Variants in XXYLT1 observed in about 807,000 individuals in gnomAD.
XXYLT1 encodes the protein UDP-xylose:alpha-xyloside alpha-1,3-xylosyltransferase.
A neutral mutation model predicts 28.9 loss-of-function variants in XXYLT1; 20 were observed. The observed-to-expected ratio is 0.69, with a 90% CI of 0.49 to 1.00. The LOEUF (loss-of-function observed/expected upper bound fraction) is 1.00, where lower values mean the gene tolerates loss of function less well. Among genes scored for constraint, XXYLT1 ranks in the 50% least tolerant of loss-of-function variants. The pLI, the probability that XXYLT1 is intolerant of heterozygous loss-of-function variation, is 0.00. For synonymous variants in XXYLT1, 257 were observed against 253.8 expected, an observed-to-expected ratio of 1.01 and a Z score of -0.12; for missense variants, 542 against 560.1, an observed-to-expected ratio of 0.97 and a Z score of 0.33.
intron 1 of XXYLT1, 127 bp from the exon 2 acceptor site, chr3:195,226,983 G>C (rs1003862810): frequency 5.1e-5 from 60 of 1,168,466 alleles, no homozygotes; most frequent in Non-Finnish European, 6.7e-5. Flanking sequence ...ACAAGCAGGG[G>C]ATGGGGCTAG....
chr3:195,116,431 A>C (rs1718046789), intron 3 of XXYLT1, among the ~76,000 whole-genome samples: 1 of 152,192 alleles, frequency 6.6e-6, no homozygotes, highest in South Asian at 2.1e-4. Flanking sequence ...CTGGTCCATG[A>C]ACTACACTTT....
chr3:195,142,758 G>A lies in XXYLT1; in HGVS notation c.785+13691C>T, dbSNP rs117804356. Among the ~76,000 whole-genome samples, 19 of 152,338 alleles carry A rather than the reference G, an allele frequency of 1.2e-4. No homozygotes were observed. In the East Asian group the frequency reaches 3.1e-3, roughly 25 times the overall value. ...GCTGGGGTCTTCATGCGGCCAGCCCGCCCAGGCTTGCTTGGGAGGCAGCGC... is the reference window on the plus strand; with the variant it reads ...GCTGGGGTCTTCATGCGGCCAGCCCACCCAGGCTTGCTTGGGAGGCAGCGC... On this transcript the variant is annotated intron_variant, in intron 3 of 3. Transcript: ENST00000310380.
intron 2 of XXYLT1, among the ~76,000 whole-genome samples, chr3:195,223,766 C>G (rs1346229068): frequency 6.6e-6 from 1 of 152,200 alleles, no homozygotes; most frequent in Admixed American, 6.5e-5. Context: ...CCAGACGCCA[C>G]AGGAAACTCA....
At chr3:195,236,693 T>C (rs75092815) in intron 1 of XXYLT1, among the ~76,000 whole-genome samples, 4,692 of 152,058 alleles carry the variant, frequency 0.031, 142 homozygotes, top group East Asian at 0.1. Context: ...CAGCTGTGAA[T>C]GTGCTGGATC....
intron 1 of XXYLT1, among the ~76,000 whole-genome samples, chr3:195,228,893 A>T (rs1724181211): frequency 6.7e-6 from 1 of 149,698 alleles, no homozygotes; most frequent in South Asian, 2.1e-4. Flanking sequence ...GCTCACTGTA[A>T]CCTCTGCTTC....
intron 1 of XXYLT1, among the ~76,000 whole-genome samples, chr3:195,245,480 C>G (rs1181350345): frequency 6.6e-6 from 1 of 152,054 alleles, no homozygotes; most frequent in Non-Finnish European, 1.5e-5. Context: ...TCCAGTGTGG[C>G]CCAGGGAAGC....
intron 1 of XXYLT1, among the ~76,000 whole-genome samples, chr3:195,264,383 G>A (rs1725777817): frequency 6.6e-6 from 1 of 152,222 alleles, no homozygotes; most frequent in South Asian, 2.1e-4. Flanking sequence ...CACACTTGCA[G>A]GTGCCTCGGA....
chr3:195,080,696 C>A (rs976677263), intron 3 of XXYLT1, among the ~76,000 whole-genome samples: 4 of 152,076 alleles, frequency 2.6e-5, no homozygotes, highest in Admixed American at 2.6e-4. Flanking sequence ...TCCGGGACAG[C>A]GAGCAGAGTG....
chr3:195,250,290 T>C (rs1725198970), intron 1 of XXYLT1, among the ~76,000 whole-genome samples: 1 of 152,194 alleles, frequency 6.6e-6, no homozygotes, highest in African/African-American at 2.4e-5. Context: ...TGGCCGGGCG[T>C]GTTGGCTTAC....
chr3:195,132,360 G>A (rs898473722), intron 3 of XXYLT1, among the ~76,000 whole-genome samples: 10 of 152,012 alleles, frequency 6.6e-5, no homozygotes, highest in Non-Finnish European at 1.0e-4. Flanking sequence ...CCGACTACTC[G>A]GGAGGCTGAG....
intron 3 of XXYLT1, among the ~76,000 whole-genome samples, chr3:195,142,677 C>A (rs1256365175): frequency 6.6e-6 from 1 of 152,260 alleles, no homozygotes; most frequent in Non-Finnish European, 1.5e-5. Flanking sequence ...ATTAGCAATG[C>A]CCTCAATGGC....
chr3:195,141,915 C>T (rs4677811), intron 3 of XXYLT1, among the ~76,000 whole-genome samples: 17,851 of 152,282 alleles, frequency 0.12, 1,185 homozygotes, highest in East Asian at 0.27. Context: ...GAATTGTTCT[C>T]ATTATTCTGC....
intron 3 of XXYLT1, among the ~76,000 whole-genome samples, chr3:195,153,084 C>A (rs1433820015): frequency 2.6e-5 from 4 of 152,202 alleles, no homozygotes; most frequent in Admixed American, 2.6e-4. Context: ...GCCGAGACCG[C>A]CTGCTCAAGA....
At chr3:195,185,426 C>T (rs1282149349) in intron 2 of XXYLT1, among the ~76,000 whole-genome samples, 1 of 150,914 alleles carries the variant, frequency 6.6e-6, no homozygotes, top group Non-Finnish European at 1.5e-5. Context: ...AGAGAGACTT[C>T]AGCAGAAAAT....
intron 3 of XXYLT1, among the ~76,000 whole-genome samples, chr3:195,122,823 T>C (rs886288366): frequency 4.6e-5 from 7 of 152,218 alleles, no homozygotes; most frequent in African/African-American, 1.7e-4. Flanking sequence ...GAGCATCTGC[T>C]ATCTCCACAT....
rs555723764 is a variant in XXYLT1 at position 195,077,706 on chromosome 3, C to T, written c.786-7595G>A. On this transcript the variant is annotated intron_variant, in intron 3 of 3. Coordinates refer to ENST00000310380, the MANE Select transcript of XXYLT1 (RefSeq NM_152531.5). The surrounding 1 kb of genome is among the most constrained non-coding windows in gnomAD (Gnocchi z 4.8). ...GGCCTCTGACCTGGTGCAGGGCAGCCCTTCAGCCCCCTGCAGGCGTCCGTT... is the reference window on the plus strand; with the variant it reads ...GGCCTCTGACCTGGTGCAGGGCAGCTCTTCAGCCCCCTGCAGGCGTCCGTT... Among the ~76,000 whole-genome samples the T allele has an allele frequency of 3.3e-5, 5 of 152,198 alleles. No homozygotes were observed. The highest frequency in any genetic ancestry group is 4.8e-5 in the African/African-American group (2 of 41,442).
In XXYLT1 at chr3:195,124,918, G is replaced by A. The variant is rs1303505379; in HGVS notation, c.785+31531C>T. On this transcript the variant is annotated intron_variant, in intron 3 of 3. Transcript: ENST00000310380. This position sits in a 1 kb window ranked among gnomAD's most constrained non-coding sequence, Gnocchi z 4.1. ...TTCTATCAGGCTGCGGGTGCACAAGGCTGTCCCGGGTTATTTGAAGGACAG... is the reference window on the plus strand; with the variant it reads ...TTCTATCAGGCTGCGGGTGCACAAGACTGTCCCGGGTTATTTGAAGGACAG... Among the ~76,000 whole-genome samples the A allele has an allele frequency of 6.6e-6, 1 of 152,202 alleles. No individual in the cohort carries two copies. The highest frequency in any genetic ancestry group is 1.5e-5 in the Non-Finnish European group (1 of 68,042).
chr3:195,185,539 G>C (rs962411315), intron 2 of XXYLT1, among the ~76,000 whole-genome samples: 3 of 145,758 alleles, frequency 2.1e-5, no homozygotes, highest in African/African-American at 7.7e-5. Flanking sequence ...GATTTCTGAG[G>C]TCACTGAAGG....
intron 3 of XXYLT1, among the ~76,000 whole-genome samples, chr3:195,110,323 G>GTGTGTGTATGT (rs561073733): frequency 1.0e-3 from 17 of 17,044 alleles, no homozygotes; most frequent in Admixed American, 2.5e-3. Context: ...TGTGGGTGAG[G>GTGTGTGTATGT]GTGAGGTGTG....
Sources: allele counts gnomAD v4.1 joint callset (sites outside exome capture counted in the v4.1 genomes callset), GRCh38; gene constraint gnomAD v4.1.1; non-coding constraint Gnocchi (gnomAD v3.1); transcripts MANE v1.5; gene names NCBI Gene and HGNC (gene_info 2026-07-23, HGNC 2026-07-21).